The following TRPV5 variants were observed in gnomAD, a reference collection of about 807,000 sequenced individuals.
TRPV5 encodes calcium transport protein 2.
In TRPV5, 66 loss-of-function variants were observed where a neutral mutation model predicts 74.1. The ratio of observed to expected loss-of-function variants is 0.89; its 90% CI spans 0.73 to 1.09. TRPV5 has a LOEUF of 1.09. TRPV5 is among the 50% of genes least tolerant of loss of function. The pLI is 0.00. For synonymous variants in TRPV5, 399 were observed against 360.7 expected (o/e 1.11, Z -1.20); for missense variants, 936 against 930.4 (o/e 1.01, Z -0.08).
At chr7:142,913,070 A>G (rs1485371470) in intron 12 of TRPV5, among the ~76,000 whole-genome samples, 2 of 152,206 alleles carry the variant, frequency 1.3e-5, no homozygotes, top group Admixed American at 1.3e-4. Context: ...ATAATAGGTC[A>G]CCTAACTGGT....
chr7:142,924,313 C>T (rs1181633146), intron 8 of TRPV5, among the ~76,000 whole-genome samples: 14,648 of 22,496 alleles, frequency 0.65, 4,717 homozygotes, highest in Middle Eastern at 0.71. Flanking sequence ...TATATATATA[C>T]ACACATATAC....
intron 8 of TRPV5, 108 bp downstream of exon 8, chr7:142,925,421 A>C: frequency 8.4e-7 from 1 of 1,184,950 alleles, no homozygotes; most frequent in Admixed American, 2.0e-5. Flanking sequence ...AGGAGCCTAC[A>C]CCTGCTGGAA....
intron 8 of TRPV5, among the ~76,000 whole-genome samples, chr7:142,924,265 C>CAT (rs58526667): frequency 0.01 from 1,052 of 102,404 alleles, 71 homozygotes; most frequent in African/African-American, 0.047. Context: ...TATATATATA[C>CAT]ATATATATAT....
intron 10 of TRPV5, 84 bp downstream of exon 10, chr7:142,915,223 A>C (rs1277728472): frequency 1.9e-6 from 3 of 1,557,808 alleles, no homozygotes; most frequent in Non-Finnish European, 2.6e-6. Context: ...GAGTGACCTG[A>C]GGCCTAGAAC....
intron 11 of TRPV5, 72 bp downstream of exon 11, chr7:142,914,809 C>T: frequency 3.1e-6 from 5 of 1,609,900 alleles, no homozygotes; most frequent in East Asian, 2.2e-5. Context: ...CTACCAGCTC[C>T]ATTCTACCTC....
intron 6 of TRPV5, among the ~76,000 whole-genome samples, 175 bp from the exon 7 acceptor site, chr7:142,928,409 C>A (rs1796024967): frequency 6.6e-6 from 1 of 152,132 alleles, no homozygotes; most frequent in Non-Finnish European, 1.5e-5. Flanking sequence ...CTCCAAAACC[C>A]CAGAAAGTGC....
At position 142,908,474 on chromosome 7, in the gene TRPV5, G is replaced by T. The variant is rs1195073859; in HGVS notation, c.*40C>A. Reference sequence around the variant, plus strand: ...GTCTCCGTCTCTGTCCCCGCCCCCAGGCCAACCGGGAGTAAGGTCAAGAGT... The same window carrying T: ...GTCTCCGTCTCTGTCCCCGCCCCCATGCCAACCGGGAGTAAGGTCAAGAGT... On this transcript the variant is annotated 3_prime_UTR_variant, in exon 15 of 15. Coordinates refer to ENST00000265310, the MANE Select transcript of TRPV5 (RefSeq NM_019841.7). 2 of 1,603,832 alleles carry T rather than the reference G, an allele frequency of 1.2e-6. No homozygotes were observed. The highest frequency in any genetic ancestry group is 2.2e-5 in the South Asian group (2 of 90,526).
intron 8 of TRPV5, among the ~76,000 whole-genome samples, chr7:142,919,081 C>T (rs1795843370): frequency 6.6e-6 from 1 of 152,202 alleles, no homozygotes; most frequent in Non-Finnish European, 1.5e-5. Flanking sequence ...GGCTCACCCT[C>T]ACCGATGCCT....
intron 8 of TRPV5, among the ~76,000 whole-genome samples, chr7:142,916,858 G>A (rs547652751): frequency 7.3e-5 from 11 of 151,182 alleles, no homozygotes; most frequent in Non-Finnish European, 1.6e-4. Flanking sequence ...AGAACTCTGT[G>A]GTCTAACAAC....
At chr7:142,923,899 A>T (rs1037178415) in intron 8 of TRPV5, among the ~76,000 whole-genome samples, 3 of 152,192 alleles carry the variant, frequency 2.0e-5, no homozygotes, top group Non-Finnish European at 4.4e-5. Context: ...TTCAAAATGC[A>T]GAAAATCTCC....
In TRPV5 at chr7:142,908,574, C is replaced by T. The variant is rs770051499; in HGVS notation, c.2130G>A (p.Gly710=). 4.3e-6 allele frequency: 7 copies of T among 1,614,208 alleles called. No individual in the cohort carries two copies. The South Asian group carries it at 4.4e-5, about 10-fold the overall frequency. ...TAAGGTTCAGTCCAAGATTCAAGTG[C>T]CCCAGGGTGTTTTGACGAAGGATCT... is the stretch of plus-strand genomic sequence containing the variant. The part of the protein sequence containing the change: ...GWEILRQNTL[G]HLNLGLNLSE... The change falls in exon 15 of 15, where the codon GGG becomes GGA. Residue 710 remains glycine (G), a synonymous_variant. Coordinates refer to ENST00000265310, the MANE Select transcript of TRPV5 (RefSeq NM_019841.7).
In TRPV5 at chr7:142,912,677, G is replaced by A. The variant is rs772586662; in HGVS notation, c.1593C>T (p.Phe531=). 1.2e-6 allele frequency: 2 copies of A among 1,614,242 alleles called. No individual in the cohort carries two copies. The highest frequency in any genetic ancestry group is 2.2e-5 in the South Asian group (2 of 91,084). Residue 531 remains phenylalanine, a synonymous_variant, in exon 13 of 15, where the codon TTC becomes TTT. Coordinates refer to ENST00000265310, the MANE Select transcript of TRPV5 (RefSeq NM_019841.7). The part of the protein sequence containing the change: ...GQFYDYPMAL[F]TTFELFLTVI... ...CAGTGAGAAAAAGCTCAAAGGTGGT[G>A]AACAGTGCCATGGGGTAGTCATAGA...
intron 8 of TRPV5, among the ~76,000 whole-genome samples, chr7:142,921,311 T>G (rs1346162018): frequency 6.6e-6 from 1 of 152,186 alleles, no homozygotes; most frequent in Non-Finnish European, 1.5e-5. Flanking sequence ...AGACGGAGTC[T>G]CATACTGTCG....
chr7:142,927,936 G>A, intron 7 of TRPV5, 152 bp downstream of exon 7: 1 of 890,614 alleles, frequency 1.1e-6, no homozygotes, highest in East Asian at 2.7e-5. Flanking sequence ...GTGTGCATTG[G>A]ACTTTCCCCC....
At chr7:142,928,342 G>A (rs951853387) in intron 6 of TRPV5, 108 bp from the exon 7 acceptor site, 1 of 1,207,790 alleles carries the variant, frequency 8.3e-7, no homozygotes. Flanking sequence ...CAGACAGACA[G>A]TGGGAACCAG....
chr7:142,912,589 C>G lies in TRPV5; in HGVS notation c.1681G>C (p.Ala561Pro). Residue 561 changes from alanine (A) to proline (P), a missense_variant, in exon 13 of 15, where the codon GCC becomes CCC. Ala to Pro is a conservative substitution (Grantham distance 27). Coordinates refer to ENST00000265310, the MANE Select transcript of TRPV5 (RefSeq NM_019841.7). ...AGCAGTGTGGCAATGATGGTGAAGGCGAAGTTGACAATGCTGAACATGAAG... is the reference window on the plus strand; with the variant it reads ...AGCAGTGTGGCAATGATGGTGAAGGGGAAGTTGACAATGCTGAACATGAAG... ...LPFMFSIVNF[A>P]FTIIATLLML... 1 of 1,614,178 alleles carries G rather than the reference C, an allele frequency of 6.2e-7. No individual in the cohort carries two copies. The highest frequency in any genetic ancestry group is 1.1e-5 in the South Asian group (1 of 91,086).
At chr7:142,931,670 C>T (rs1025544978) in intron 1 of TRPV5, among the ~76,000 whole-genome samples, 11 of 152,154 alleles carry the variant, frequency 7.2e-5, no homozygotes, top group African/African-American at 2.2e-4. Context: ...TCCAATAGCC[C>T]CAGGAGCCAG....
chr7:142,923,475 G>A (rs1477327959), intron 8 of TRPV5, among the ~76,000 whole-genome samples: 3 of 152,172 alleles, frequency 2.0e-5, no homozygotes, highest in African/African-American at 4.8e-5. Context: ...AGGGCTCAAA[G>A]CATAGGGACT....
At chr7:142,925,437 A>G in intron 8 of TRPV5, 92 bp downstream of exon 8, 1 of 1,365,316 alleles carries the variant, frequency 7.3e-7, no homozygotes, top group Non-Finnish European at 1.0e-6. Context: ...TGGAACCCAG[A>G]GCGTGGCATC....
Sources: gnomAD v4.1 joint callset for allele counts (sites outside exome capture counted in the v4.1 genomes callset) on GRCh38, gnomAD v4.1.1 for gene constraint, MANE v1.5 for transcripts, NCBI Gene and HGNC (gene_info 2026-07-23, HGNC 2026-07-21) for gene names.